EDA: variants seen among roughly 807,000 people sequenced by gnomAD.
The protein encoded by EDA is ectodysplasin A.
Under a neutral mutation model 23.6 loss-of-function variants are expected in EDA, and 2 were observed. The ratio of observed to expected loss-of-function variants is 0.08; its 90% CI spans 0.03 to 0.27. The LOEUF is 0.27. EDA is among the 10% of genes least tolerant of loss of function. The probability of loss-of-function intolerance (pLI) is 1.00; values close to 1 mark genes in which losing one functional copy is unlikely to be tolerated. For synonymous variants in EDA, 131 were observed against 132.0 expected (o/e 0.99, Z 0.05); for missense variants, 229 against 324.2 (o/e 0.71, Z 2.26).
rs1569317439 is a variant in EDA at position 69,749,922 on chromosome X, C to CTTTTTTTTTTTTT, written c.396+133233_396+133245dup. On this transcript the variant is annotated intron_variant, in intron 1 of 7. Transcript: ENST00000374552. Reference sequence around the variant, plus strand: ...TTAGAAACTTCCTCTCACTAAGGTTCTTTTTTTTTTTTTTTTTTTTTTTTT... The same window carrying CTTTTTTTTTTTTT: ...TTAGAAACTTCCTCTCACTAAGGTTCTTTTTTTTTTTTTTTTTTTTTTTTTTTTTTTTTTTTTT... Among the ~76,000 whole-genome samples, 11 of 33,249 alleles carry CTTTTTTTTTTTTT rather than the reference C, an allele frequency of 3.3e-4. 5 individuals are homozygous for CTTTTTTTTTTTTT. Among genetic ancestry groups the CTTTTTTTTTTTTT allele is most frequent in the African/African-American group, 6.6e-4 (8 of 12,205 alleles). 28.9% of individuals were successfully genotyped at this position (33,249 alleles called of 115,157 possible).
chrX:69,934,938 C>T (rs1201034079), intron 1 of EDA, among the ~76,000 whole-genome samples: 2 of 110,915 alleles, frequency 1.8e-5, no homozygotes, highest in Non-Finnish European at 3.8e-5. Context: ...AATCCCTACT[C>T]CCCCACCCAT....
At chrX:70,019,702 A>G (rs778170460) in intron 2 of EDA, among the ~76,000 whole-genome samples, 20 of 112,095 alleles carry the variant, frequency 1.8e-4, no homozygotes, top group African/African-American at 5.2e-4. Context: ...TTGAATACAT[A>G]TGGACACAAA....
At chrX:69,972,171 A>G (rs1412493944) in intron 2 of EDA, among the ~76,000 whole-genome samples, 1 of 112,128 alleles carries the variant, frequency 8.9e-6, no homozygotes, top group Non-Finnish European at 1.9e-5. Context: ...ATTTAAATGT[A>G]AGTTAAGAAA....
At chrX:69,974,552 A>C (rs1172004547) in intron 2 of EDA, among the ~76,000 whole-genome samples, 2 of 96,114 alleles carry the variant, frequency 2.1e-5, no homozygotes, top group African/African-American at 7.3e-5. Flanking sequence ...CAAAAACAAA[A>C]ATTAAGTGGG....
intron 1 of EDA, among the ~76,000 whole-genome samples, chrX:69,833,529 C>T (rs1250562866): frequency 9.1e-6 from 1 of 109,719 alleles, no homozygotes; most frequent in Non-Finnish European, 1.9e-5. Flanking sequence ...CTCTGCCAGG[C>T]TTTGATATCA....
intron 1 of EDA, among the ~76,000 whole-genome samples, chrX:69,677,020 T>A (rs1481469531): frequency 1.2e-5 from 1 of 84,954 alleles, no homozygotes; most frequent in African/African-American, 4.5e-5. Flanking sequence ...GATGTTCCCC[T>A]TCCTGTGTCC....
At chrX:69,837,033 G>A (rs941060353) in intron 1 of EDA, among the ~76,000 whole-genome samples, 11 of 111,431 alleles carry the variant, frequency 9.9e-5, no homozygotes, top group African/African-American at 2.9e-4. Flanking sequence ...AAATTTTTTT[G>A]TTTCTTTTTC....
chrX:69,714,235 A>G (rs929387056), intron 1 of EDA, among the ~76,000 whole-genome samples: 1 of 110,596 alleles, frequency 9.0e-6, no homozygotes, highest in Non-Finnish European at 1.9e-5. Context: ...GTGTCTCTTC[A>G]TGTCTTTTGT....
chrX:69,629,730 T>G (rs1035138116), intron 1 of EDA, among the ~76,000 whole-genome samples: 2 of 111,392 alleles, frequency 1.8e-5, no homozygotes, highest in Non-Finnish European at 3.8e-5. Flanking sequence ...CTTTCCCTCC[T>G]TCAGATCTTT....
At chrX:69,789,906 G>C (rs1477541821) in intron 1 of EDA, among the ~76,000 whole-genome samples, 1 of 111,867 alleles carries the variant, frequency 8.9e-6, no homozygotes, top group Non-Finnish European at 1.9e-5. Context: ...TTGTAATTTG[G>C]TAAGTGTTAA....
chrX:69,953,923 T>C (rs985324507), intron 1 of EDA, among the ~76,000 whole-genome samples: 3 of 111,799 alleles, frequency 2.7e-5, no homozygotes, highest in African/African-American at 9.7e-5. Context: ...AGAGAAAATT[T>C]TAGGGGGTGA....
intron 1 of EDA, among the ~76,000 whole-genome samples, chrX:69,631,445 C>T (rs1331199013): frequency 9.3e-6 from 1 of 107,708 alleles, no homozygotes; most frequent in African/African-American, 3.4e-5. Flanking sequence ...CCACACCCCG[C>T]TCCTTGAGAA....
At chrX:69,803,198 A>ATCTGAGACTCTTTT (rs1262118371) in intron 1 of EDA, among the ~76,000 whole-genome samples, 1 of 111,440 alleles carries the variant, frequency 9.0e-6, no homozygotes, top group East Asian at 3.0e-4. Context: ...TTGTCTTTTT[A>ATCTGAGACTCTTTT]GCATTTGAAA....
At position 70,035,788 on chromosome X, in the gene EDA, A is replaced by C; in HGVS notation, c.*179A>C. On this transcript the variant is annotated 3_prime_UTR_variant, in exon 8 of 8. Transcript: ENST00000374552. ...GACAAGGCCTGCTTGACTTTCCAGA[A>C]TGACCTTGAGTTAACAGGACAGTTG... 1 of 551,255 alleles carries C rather than the reference A, an allele frequency of 1.8e-6. No individual in the cohort carries two copies. Among genetic ancestry groups the C allele is most frequent in the Non-Finnish European group, 2.9e-6 (1 of 346,191 alleles). The allele number at this position is 551,255 out of a possible 1,213,427, so 45.4% of individuals were successfully genotyped here.
chrX:69,718,564 C>T (rs1482739176), intron 1 of EDA, among the ~76,000 whole-genome samples: 2 of 109,794 alleles, frequency 1.8e-5, no homozygotes, highest in East Asian at 5.7e-4. Context: ...TATGATTTTT[C>T]TTCTTCATCT....
intron 1 of EDA, among the ~76,000 whole-genome samples, chrX:69,842,966 C>G (rs2016925760): frequency 8.9e-6 from 1 of 111,851 alleles, no homozygotes; most frequent in African/African-American, 3.3e-5. Context: ...AGCTGCAGAA[C>G]CATGAGCCAA....
chrX:69,787,430 C>T (rs1418613576), intron 1 of EDA, among the ~76,000 whole-genome samples: 2 of 105,916 alleles, frequency 1.9e-5, no homozygotes, highest in African/African-American at 6.8e-5. Flanking sequence ...TGGCTGGTAC[C>T]GGTTGTTCCT....
intron 1 of EDA, among the ~76,000 whole-genome samples, chrX:69,796,156 C>T (rs1226459396): frequency 8.9e-6 from 1 of 112,194 alleles, no homozygotes; most frequent in Admixed American, 9.4e-5. Flanking sequence ...TCTGCCACTG[C>T]CACTGACATC....
chrX:69,748,424 G>T (rs1392675254), intron 1 of EDA, among the ~76,000 whole-genome samples: 1 of 111,666 alleles, frequency 9.0e-6, no homozygotes, highest in African/African-American at 3.3e-5. Flanking sequence ...GATAGGCAAA[G>T]GTTTATTACC....
Sources: gnomAD v4.1 joint callset for allele counts (sites outside exome capture counted in the v4.1 genomes callset) on GRCh38, gnomAD v4.1.1 for gene constraint, MANE v1.5 for transcripts, NCBI Gene and HGNC (gene_info 2026-07-23, HGNC 2026-07-21) for gene names.